Variants in BET1L observed in about 807,000 individuals in gnomAD.
The protein encoded by BET1L is BET1-like protein.
In BET1L, 13 loss-of-function variants were observed where a neutral mutation model predicts 12.6. The observed-to-expected ratio is 1.03, with a 90% CI of 0.67 to 1.64. The LOEUF (loss-of-function observed/expected upper bound fraction) is 1.64. Among genes scored for constraint, BET1L ranks in the 40% most tolerant of loss-of-function variants. The pLI is 0.00. For synonymous variants in BET1L, 60 were observed against 56.9 expected, an observed-to-expected ratio of 1.05 and a Z score of -0.25; for missense variants, 154 against 150.7, an observed-to-expected ratio of 1.02 and a Z score of -0.11.
In BET1L at chr11:205,135, A is replaced by G. The variant is rs1855118389; in HGVS notation, c.*167T>C. On this transcript the variant is annotated 3_prime_UTR_variant, in exon 4 of 4. Coordinates refer to ENST00000382762, the MANE Select transcript of BET1L (RefSeq NM_001098787.2). ...ACATGGGACCAGCCAACATGAGCTC[A>G]TCAGGTCACAGGCAGCCGCAGCCTC... The G allele has an allele frequency of 3.2e-6, 3 of 923,374 alleles. No homozygotes were observed. The highest frequency in any genetic ancestry group is 4.7e-6 in the Non-Finnish European group (3 of 634,438). The allele number at this position is 923,374 out of a possible 1,614,324, so 57.2% of individuals were successfully genotyped here.
rs1037825906 is a variant in BET1L, at chr11:204,030, G to C, written c.*1272C>G. ...CTGTGGCTGATCTGTGGTCAGCCTG[G>C]AGCTCAGAGGCAGTTCTGGATTGAC... On this transcript the variant is annotated 3_prime_UTR_variant, in exon 4 of 4. Transcript: ENST00000382762. 1 of 152,834 alleles carries C rather than the reference G, an allele frequency of 6.5e-6. No individual in the cohort carries two copies. The highest frequency in any genetic ancestry group is 1.5e-5 in the Non-Finnish European group (1 of 68,204). The allele number at this position is 152,834 out of a possible 1,614,324, so 9.5% of individuals were successfully genotyped here. A position where few individuals can be genotyped will look rare whatever the true frequency, so the allele number is the denominator to read the frequency against.
In BET1L at chr11:205,469, C is replaced by T; in HGVS notation, c.169G>A (p.Asp57Asn). ...CTGGTCATGCTTGTGAAATCCGAGT[C>T]CTAAGGGAGGAATCCCAGCAAGATC... ...EDQNRYLDGMDSDFTSMTSLL... is the reference protein window; with the variant it reads ...EDQNRYLDGMNSDFTSMTSLL... The change falls in exon 4 of 4, where the codon GAC becomes AAC. Residue 57 changes from aspartate to asparagine, a missense_variant and splice_region_variant. By Grantham distance (23) the Asp-to-Asn change is conservative. Coordinates refer to ENST00000382762, the MANE Select transcript of BET1L (RefSeq NM_001098787.2). 5.0e-6 allele frequency: 8 copies of T among 1,614,170 alleles called. No individual in the cohort carries two copies. Among genetic ancestry groups the T allele is most frequent in the Non-Finnish European group, 6.8e-6 (8 of 1,180,028 alleles).
rs760584249 is a variant in BET1L, at chr11:205,335, G to T, written c.303C>A (p.Ile101=). ...TTGCCCTGGACAAGAAGTAGGAGAG[G>T]ATGAAGAAGGCCACAATTAGACCCA... ...MAVGLIVAFF[I]LSYFLSRART The change falls in exon 4 of 4, where the codon ATC becomes ATA. Residue 101 remains isoleucine (I), a synonymous_variant. Transcript: ENST00000382762. The T allele has an allele frequency of 5.0e-6, 8 of 1,613,792 alleles. No homozygotes were observed. The East Asian group carries it at 1.8e-4, about 36-fold the overall frequency.
rs911577857 is a variant in BET1L, at chr11:205,221, G to A, written c.*81C>T. The A allele has an allele frequency of 4.1e-6, 6 of 1,466,186 alleles. No homozygotes were observed. Among genetic ancestry groups the A allele is most frequent in the Non-Finnish European group, 9.1e-7 (1 of 1,093,272 alleles). 90.8% of individuals were successfully genotyped at this position (1,466,186 alleles called of 1,614,324 possible). A position where few individuals can be genotyped will look rare whatever the true frequency, so the allele number is the denominator to read the frequency against. On this transcript the variant is annotated 3_prime_UTR_variant, in exon 4 of 4. Coordinates refer to ENST00000382762, the MANE Select transcript of BET1L (RefSeq NM_001098787.2). ...ATCATTGCAAAGGAGTATTTTGTAG[G>A]TAAGTCCTCTGGAGCCCAAAACACC...
Position 203,085 on chromosome 11 carries a change from A to T in BET1L, c.*2217T>A, listed in dbSNP as rs1261239866. 3 of 152,196 alleles carry T rather than the reference A, an allele frequency of 2.0e-5. No individual in the cohort carries two copies. Among genetic ancestry groups the T allele is most frequent in the African/African-American group, 7.2e-5 (3 of 41,428 alleles). The allele number at this position is 152,196 out of a possible 1,614,324, so 9.4% of individuals were successfully genotyped here. On this transcript the variant is annotated 3_prime_UTR_variant, in exon 4 of 4. Transcript: ENST00000382762. ...GAGTCCTTTTGGTTTTACTGGTGTC[A>T]GGGATTACAGTCAGCAAACCCCACT...
chr11:207,223 C>T, intron 1 of BET1L, 80 bp downstream of exon 1: 1 of 1,488,976 alleles, frequency 6.7e-7, no homozygotes, highest in Non-Finnish European at 8.9e-7. Flanking sequence ...GGGCCAGAGG[C>T]AGGCGCACGC....
chr11:206,062 T>C lies in BET1L; in HGVS notation c.20-19A>G. The C allele has an allele frequency of 1.2e-6, 2 of 1,609,720 alleles. No individual in the cohort carries two copies. Among genetic ancestry groups the C allele is most frequent in the Non-Finnish European group, 1.7e-6 (2 of 1,177,266 alleles). ...CTCTGAGCTGAGAAAAGAGAGGGGC[T>C]GAAGGGTTGCATCCATCGGTGAGCA... On this transcript the variant is annotated intron_variant, in intron 1 of 3. Coordinates refer to ENST00000382762, the MANE Select transcript of BET1L (RefSeq NM_001098787.2).
rs1304154981 is a variant in BET1L at position 207,333 on chromosome 11, C to T, written c.-12G>A. The T allele has an allele frequency of 1.3e-6, 2 of 1,548,754 alleles. No individual in the cohort carries two copies. The highest frequency in any genetic ancestry group is 1.7e-6 in the Non-Finnish European group (2 of 1,155,482). Reference sequence around the variant, plus strand: ...GCCCAGTCCGCCATCGTGCCCTGCCCCGGCTCCTCGACGCGGACACCGACG... The same window carrying T: ...GCCCAGTCCGCCATCGTGCCCTGCCTCGGCTCCTCGACGCGGACACCGACG... On this transcript the variant is annotated 5_prime_UTR_variant, in exon 1 of 4. Coordinates refer to ENST00000382762, the MANE Select transcript of BET1L (RefSeq NM_001098787.2).
chr11:204,912 G>A lies in BET1L; in HGVS notation c.*390C>T. 2 of 239,196 alleles carry A rather than the reference G, an allele frequency of 8.4e-6. No homozygotes were observed. Among genetic ancestry groups the A allele is most frequent in the Admixed American group, 5.2e-5 (1 of 19,402 alleles). The allele number at this position is 239,196 out of a possible 1,614,324, so 14.8% of individuals were successfully genotyped here. On this transcript the variant is annotated 3_prime_UTR_variant, in exon 4 of 4. Coordinates refer to ENST00000382762, the MANE Select transcript of BET1L (RefSeq NM_001098787.2). The stretch of plus-strand genomic sequence containing the variant: ...CTCACCCAGACAAGGACACGACCGT[G>A]CAGCCTTAAGATGTCAGAGTCCCAA...
In BET1L at chr11:205,598, C is replaced by A. The variant is rs144152739; in HGVS notation, c.168+13G>T. Reference sequence around the variant, plus strand: ...GGGCAGGGCACTGATACACGCACACCGTGGGCCCTTACCATGCCATCCAGG... The same window carrying A: ...GGGCAGGGCACTGATACACGCACACAGTGGGCCCTTACCATGCCATCCAGG... On this transcript the variant is annotated intron_variant, in intron 3 of 3. Coordinates refer to ENST00000382762, the MANE Select transcript of BET1L (RefSeq NM_001098787.2). The A allele has an allele frequency of 3.7e-6, 6 of 1,613,980 alleles. No individual in the cohort carries two copies. The highest frequency in any genetic ancestry group is 4.2e-6 in the Non-Finnish European group (5 of 1,180,008).
chr11:207,285 C>G lies in BET1L; in HGVS notation c.19+18G>C. On this transcript the variant is annotated intron_variant, in intron 1 of 3. Transcript: ENST00000382762. The stretch of plus-strand genomic sequence containing the variant: ...CGGCCCGGCCCTGCCCCCAACGGCT[C>G]CGCTCTCCCGCGCTCACCCCGAGCC... The G allele has an allele frequency of 1.3e-6, 2 of 1,535,520 alleles. No individual in the cohort carries two copies. Among genetic ancestry groups the G allele is most frequent in the Non-Finnish European group, 1.7e-6 (2 of 1,148,590 alleles).
chr11:205,012 C>T lies in BET1L; in HGVS notation c.*290G>A. 2.4e-6 allele frequency: 1 copy of T among 416,142 alleles called. No homozygotes were observed. 25.8% of individuals were successfully genotyped at this position (416,142 alleles called of 1,614,324 possible). A position where few individuals can be genotyped will look rare whatever the true frequency, so the allele number is the denominator to read the frequency against. ...CAGCTGCTCTGCTCAGACCTGGCTT[C>T]TCCAGACACGCTGTGGCCCCAGCTC... On this transcript the variant is annotated 3_prime_UTR_variant, in exon 4 of 4. Transcript: ENST00000382762.
rs1179689930 is a variant in BET1L at position 207,357 on chromosome 11, C to T, written c.-36G>A. 1 of 1,548,232 alleles carries T rather than the reference C, an allele frequency of 6.5e-7. No individual in the cohort carries two copies. Among genetic ancestry groups the T allele is most frequent in the South Asian group, 1.2e-5 (1 of 84,892 alleles). Reference sequence around the variant, plus strand: ...CCCGGCTCCTCGACGCGGACACCGACGCGGCCACAGCCGCCTCAGACGTGG... The same window carrying T: ...CCCGGCTCCTCGACGCGGACACCGATGCGGCCACAGCCGCCTCAGACGTGG... On this transcript the variant is annotated 5_prime_UTR_variant, in exon 1 of 4. Coordinates refer to ENST00000382762, the MANE Select transcript of BET1L (RefSeq NM_001098787.2).
intron 2 of BET1L, 127 bp from the exon 3 acceptor site, chr11:205,794 A>C (rs1258618880): frequency 2.0e-6 from 3 of 1,469,944 alleles, no homozygotes; most frequent in Middle Eastern, 1.8e-4. Flanking sequence ...GCAGACAGAA[A>C]GGTCCAGGTG....
At chr11:207,061 G>A (rs990741896) in intron 1 of BET1L, 6 of 523,066 alleles carry the variant, frequency 1.1e-5, no homozygotes, top group Non-Finnish European at 2.0e-5. Context: ...GGGAGACCCC[G>A]CTGCTGCGCG....
In BET1L at chr11:207,348, G is replaced by A. The variant is rs1264898101; in HGVS notation, c.-27C>T. On this transcript the variant is annotated 5_prime_UTR_variant, in exon 1 of 4. Transcript: ENST00000382762. ...GTGCCCTGCCCCGGCTCCTCGACGC[G>A]GACACCGACGCGGCCACAGCCGCCT... 5 of 1,202,108 alleles carry A rather than the reference G, an allele frequency of 4.2e-6. No individual in the cohort carries two copies. The highest frequency in any genetic ancestry group is 5.5e-6 in the Non-Finnish European group (5 of 917,202). The allele number at this position is 1,202,108 out of a possible 1,614,324, so 74.5% of individuals were successfully genotyped here.
At position 204,619 on chromosome 11, in the gene BET1L, T is replaced by G. The variant is rs1474572438; in HGVS notation, c.*683A>C. The G allele has an allele frequency of 1.3e-5, 2 of 152,594 alleles. No individual in the cohort carries two copies. The highest frequency in any genetic ancestry group is 2.9e-5 in the Non-Finnish European group (2 of 68,388). The allele number at this position is 152,594 out of a possible 1,614,324, so 9.5% of individuals were successfully genotyped here. A position where few individuals can be genotyped will look rare whatever the true frequency, so the allele number is the denominator to read the frequency against. ...TTCTGCTCCTGGATACACAGTCACA[T>G]GACCCAGAAGATCCCAGCCCAGTGG... On this transcript the variant is annotated 3_prime_UTR_variant, in exon 4 of 4. Transcript: ENST00000382762.
At chr11:205,890 T>C in intron 2 of BET1L, 62 bp downstream of exon 2, 2 of 1,567,806 alleles carry the variant, frequency 1.3e-6, no homozygotes, top group Non-Finnish European at 1.8e-6. Flanking sequence ...CCCTCTGCCT[T>C]CCCTCTGATC....
Position 206,032 on chromosome 11 carries a change from C to T in BET1L, c.31G>A (p.Gly11Ser). Residue 11 changes from glycine to serine, a missense_variant, in exon 2 of 4, where the codon GGC (glycine) becomes AGC (serine). Physicochemically the swap from Gly to Ser is moderately conservative, Grantham distance 56. Transcript: ENST00000382762. Reference sequence around the variant, plus strand: ...CGGTCTAGAATCTCTTCCACAGCGCCCGGGCTCTGAGCTGAGAAAAGAGAG... The same window carrying T: ...CGGTCTAGAATCTCTTCCACAGCGCTCGGGCTCTGAGCTGAGAAAAGAGAG... The part of the protein sequence containing the change: MADWARAQSP[G>S]AVEEILDREN... 1 of 1,613,844 alleles carries T rather than the reference C, an allele frequency of 6.2e-7. No individual in the cohort carries two copies. Among genetic ancestry groups the T allele is most frequent in the Non-Finnish European group, 8.5e-7 (1 of 1,180,012 alleles).
Sources: allele counts gnomAD v4.1 joint callset, GRCh38; gene constraint gnomAD v4.1.1; transcripts MANE v1.5; gene names NCBI Gene and HGNC (gene_info 2026-07-23, HGNC 2026-07-21).